Variants in GALNT13 observed in about 807,000 individuals in gnomAD.
GALNT13 encodes UDP-GalNAc:polypeptide N-acetylgalactosaminyltransferase 13.
A neutral mutation model predicts 64.2 loss-of-function variants in GALNT13; 28 were observed. The observed-to-expected ratio is 0.44, with a 90% confidence interval of 0.32 to 0.60. GALNT13 has a LOEUF of 0.60. GALNT13 is among the 20% of genes least tolerant of loss of function. The pLI, the probability that GALNT13 is intolerant of heterozygous loss-of-function variation, is 0.05. For synonymous variants in GALNT13, 214 were observed against 224.6 expected (o/e 0.95, Z 0.42); for missense variants, 577 against 669.8 (o/e 0.86, Z 1.53).
At chr2:153,886,579 T>G (rs996486053) in intron 1 of GALNT13, among the ~76,000 whole-genome samples, 3 of 152,020 alleles carry the variant, frequency 2.0e-5, no homozygotes, top group Non-Finnish European at 4.4e-5. Context: ...TAGGTGGGAA[T>G]TGAACAATGA....
chr2:153,274,692 C>T, the GALNT13 span, among the ~76,000 whole-genome samples: 22,512 of 152,226 alleles, frequency 0.15, 2,066 homozygotes, highest in Non-Finnish European at 0.21. Flanking sequence ...AGCTCCTGGT[C>T]TTCTATGTGG....
chr2:153,792,398 G>A, the GALNT13 span, among the ~76,000 whole-genome samples: 1 of 152,082 alleles, frequency 6.6e-6, no homozygotes, highest in Admixed American at 6.6e-5. Flanking sequence ...AAGTATACAG[G>A]AGGATGTGCA....
At chr2:153,165,269 G>A in the GALNT13 span, among the ~76,000 whole-genome samples, 1 of 152,114 alleles carries the variant, frequency 6.6e-6, no homozygotes, top group African/African-American at 2.4e-5. Flanking sequence ...TGTTATAGTG[G>A]GAGAGAAACA....
chr2:153,990,880 GA>G (rs1401859675), intron 3 of GALNT13, among the ~76,000 whole-genome samples: 2 of 152,166 alleles, frequency 1.3e-5, no homozygotes, highest in African/African-American at 4.8e-5. Context: ...GAAGCAGATT[GA>G]AACACAAAAT....
chr2:154,230,055 A>G (rs1688835019), intron 4 of GALNT13, among the ~76,000 whole-genome samples: 1 of 152,082 alleles, frequency 6.6e-6, no homozygotes, highest in South Asian at 2.1e-4. Flanking sequence ...CAGCATCACC[A>G]TTGTAATGTC....
the GALNT13 span, among the ~76,000 whole-genome samples, chr2:153,861,333 T>C: frequency 3.3e-5 from 5 of 152,148 alleles, no homozygotes; most frequent in African/African-American, 7.2e-5. Context: ...AATGGCAGAA[T>C]TGGATATTTA....
intron 4 of GALNT13, among the ~76,000 whole-genome samples, chr2:154,157,428 G>A (rs1045472774): frequency 1.3e-5 from 2 of 152,020 alleles, no homozygotes; most frequent in African/African-American, 2.4e-5. Context: ...GCCCAGGCTG[G>A]ATTTAAACTC....
intron 3 of GALNT13, among the ~76,000 whole-genome samples, chr2:154,010,429 A>G (rs1696555337): frequency 6.6e-6 from 1 of 152,190 alleles, no homozygotes; most frequent in Non-Finnish European, 1.5e-5. Context: ...CTTGCATTCA[A>G]GGGTAAAGCC....
the GALNT13 span, among the ~76,000 whole-genome samples, chr2:153,336,916 G>T: frequency 6.6e-5 from 10 of 152,146 alleles, no homozygotes; most frequent in African/African-American, 2.2e-4. Context: ...TGCTATTCTT[G>T]TGATAGCAAT....
chr2:153,587,852 C>T, the GALNT13 span, among the ~76,000 whole-genome samples: 1 of 152,224 alleles, frequency 6.6e-6, no homozygotes, highest in African/African-American at 2.4e-5. Flanking sequence ...AGGCAAGTCT[C>T]TTCTGCCTAT....
At chr2:153,543,534 G>A in the GALNT13 span, among the ~76,000 whole-genome samples, 1 of 152,188 alleles carries the variant, frequency 6.6e-6, no homozygotes, top group Non-Finnish European at 1.5e-5. Flanking sequence ...CATTCTTAAT[G>A]GAGTGTGTGT....
At chr2:153,950,315 C>T (rs1692082509) in intron 3 of GALNT13, among the ~76,000 whole-genome samples, 2 of 151,936 alleles carry the variant, frequency 1.3e-5, no homozygotes, top group Admixed American at 6.6e-5. Flanking sequence ...ACTGAAGTGA[C>T]ACTTCATAGA....
Position 153,978,669 on chromosome 2 carries a change from C to T in GALNT13, c.142+34030C>T, listed in dbSNP as rs7587838. Among the ~76,000 whole-genome samples, 465 of 152,288 alleles carry T rather than the reference C, an allele frequency of 3.1e-3. 2 individuals are homozygous for T. The highest frequency in any genetic ancestry group is 0.011 in the African/African-American group (445 of 41,560). On this transcript the variant is annotated intron_variant, in intron 3 of 12. Transcript: ENST00000392825. ...CTCCTGCCATGATTCTGTGGCTTCC[C>T]CAGTCATGTGGAACTTGAAGTCCAA...
chr2:153,193,401 T>A, the GALNT13 span, among the ~76,000 whole-genome samples: 9 of 132,728 alleles, frequency 6.8e-5, no homozygotes, highest in East Asian at 6.9e-4. Context: ...AACAATGAGA[T>A]CACATGGACA....
chr2:153,366,381 A>G, the GALNT13 span, among the ~76,000 whole-genome samples: 1 of 152,130 alleles, frequency 6.6e-6, no homozygotes, highest in Non-Finnish European at 1.5e-5. Flanking sequence ...TGTTTTGCAC[A>G]TCTATCCCGG....
chr2:153,616,931 G>A, the GALNT13 span, among the ~76,000 whole-genome samples: 1 of 151,824 alleles, frequency 6.6e-6, no homozygotes, highest in African/African-American at 2.4e-5. Flanking sequence ...CCCAACATGG[G>A]AGTACCAGAT....
At chr2:153,100,734 T>C in the GALNT13 span, among the ~76,000 whole-genome samples, 1 of 152,148 alleles carries the variant, frequency 6.6e-6, no homozygotes, top group African/African-American at 2.4e-5. Context: ...CTTCTAATAA[T>C]ATGTAATATC....
intron 2 of GALNT13, among the ~76,000 whole-genome samples, chr2:153,932,626 CTTTTTTTTT>C (rs34617568): frequency 1.0e-5 from 1 of 95,652 alleles, no homozygotes; most frequent in Non-Finnish European, 2.0e-5. Flanking sequence ...TTCTGTCTTT[CTTTTTTTTT>C]TTTTTTTTTG....
At chr2:153,946,830 A>T (rs1691789221) in intron 3 of GALNT13, among the ~76,000 whole-genome samples, 1 of 152,106 alleles carries the variant, frequency 6.6e-6, no homozygotes, top group South Asian at 2.1e-4. Context: ...TAAATGGAAA[A>T]TAGACTTGAG....
Sources: gnomAD v4.1 joint callset for allele counts (sites outside exome capture counted in the v4.1 genomes callset) on GRCh38, gnomAD v4.1.1 for gene constraint, MANE v1.5 for transcripts, NCBI Gene and HGNC (gene_info 2026-07-23, HGNC 2026-07-21) for gene names.